PTPRK: variants seen among roughly 807,000 people sequenced by gnomAD.
The protein encoded by PTPRK is protein tyrosine phosphatase receptor type K.
PTPRK carries 75 observed loss-of-function variants against 178.0 expected under a neutral mutation model. The ratio of observed to expected loss-of-function variants is 0.42; its 90% CI spans 0.35 to 0.51. The LOEUF is 0.51. Among genes scored for constraint, PTPRK ranks in the 20% least tolerant of loss-of-function variants. PTPRK has a pLI of 0.02. For synonymous variants in PTPRK, 637 were observed against 620.6 expected, an observed-to-expected ratio of 1.03 and a Z score of -0.39; for missense variants, 1,441 against 1,797.8, an observed-to-expected ratio of 0.80 and a Z score of 3.59.
chr6:128,183,889 GA>G (rs1436182908), intron 7 of PTPRK, among the ~76,000 whole-genome samples: 2 of 152,238 alleles, frequency 1.3e-5, no homozygotes, highest in East Asian at 3.9e-4. Context: ...AAAGTGTAAG[GA>G]AAATCTCTCT....
At chr6:128,146,512 T>TGA (rs1208421490) in intron 7 of PTPRK, among the ~76,000 whole-genome samples, 1 of 151,302 alleles carries the variant, frequency 6.6e-6, no homozygotes, top group African/African-American at 2.4e-5. Flanking sequence ...GGCATGATCT[T>TGA]GGTTCACTGC....
At chr6:128,468,100 A>G (rs941999390) in intron 1 of PTPRK, among the ~76,000 whole-genome samples, 4 of 152,236 alleles carry the variant, frequency 2.6e-5, no homozygotes, top group Non-Finnish European at 5.9e-5. Context: ...TGCGTCTAAC[A>G]TCTCGCACAA....
chr6:128,035,778 G>A (rs1351065133), intron 13 of PTPRK, among the ~76,000 whole-genome samples: 1 of 152,056 alleles, frequency 6.6e-6, no homozygotes, highest in Non-Finnish European at 1.5e-5. Flanking sequence ...GGGACACTTG[G>A]GTCTCCCAGT....
Position 128,446,900 on chromosome 6 carries a change from A to C in PTPRK, c.101-49212T>G, listed in dbSNP as rs189263073. On this transcript the variant is annotated intron_variant, in intron 1 of 29. Coordinates refer to ENST00000368226, the MANE Select transcript of PTPRK (RefSeq NM_002844.4). Reference sequence around the variant, plus strand: ...AATATCTAAAGCTTAAATAAGACAAAGTCAAGTAATACTTTTTCTTTTCAA... The same window carrying C: ...AATATCTAAAGCTTAAATAAGACAACGTCAAGTAATACTTTTTCTTTTCAA... Among the ~76,000 whole-genome samples, 187 of 152,300 alleles carry C rather than the reference A, an allele frequency of 1.2e-3. 1 individual carries two copies. The highest frequency in any genetic ancestry group is 4.0e-3 in the African/African-American group (168 of 41,544).
intron 1 of PTPRK, among the ~76,000 whole-genome samples, chr6:128,454,349 A>C (rs1848147098): frequency 6.6e-6 from 1 of 152,234 alleles, no homozygotes; most frequent in South Asian, 2.1e-4. Flanking sequence ...CTTTGATGAT[A>C]ATTTAAAAAG....
At chr6:128,159,394 C>G (rs562247969) in intron 7 of PTPRK, among the ~76,000 whole-genome samples, 1 of 151,798 alleles carries the variant, frequency 6.6e-6, no homozygotes, top group Non-Finnish European at 1.5e-5. Flanking sequence ...ATTTTCATCA[C>G]CTTCTGGTTT....
rs150360481 is a variant in PTPRK, at chr6:127,998,795, G to T, written c.2604C>A (p.Ile868=). 110 of 1,610,948 alleles carry T rather than the reference G, an allele frequency of 6.8e-5. 1 individual carries two copies. The African/African-American group carries it at 1.2e-3, about 17-fold the overall frequency. ...TGTGCTGCAGTAAATCAGCTACCCTGATGGCTGGATGCAGCTGTCCTGTCT... is the reference window on the plus strand; with the variant it reads ...TGTGCTGCAGTAAATCAGCTACCCTTATGGCTGGATGCAGCTGTCCTGTCT... The part of the protein sequence containing the change: ...PYQTGQLHPA[I]RVADLLQHIN... The change falls in exon 16 of 30, where the codon ATC becomes ATA. Residue 868 remains isoleucine, a synonymous_variant. Coordinates refer to ENST00000368226, the MANE Select transcript of PTPRK (RefSeq NM_002844.4).
intron 13 of PTPRK, among the ~76,000 whole-genome samples, chr6:128,043,362 G>A (rs1411162227): frequency 1.3e-5 from 2 of 152,000 alleles, no homozygotes; most frequent in African/African-American, 4.8e-5. Context: ...TACTGCCTCA[G>A]AAAATCAAAT....
intron 13 of PTPRK, among the ~76,000 whole-genome samples, chr6:128,013,091 T>C (rs2326671): frequency 0.24 from 35,694 of 151,262 alleles, 5,355 homozygotes; most frequent in Middle Eastern, 0.36. Context: ...AGTCTTATTT[T>C]ATGTGACCTC....
At chr6:128,464,950 C>A (rs1271917286) in intron 1 of PTPRK, among the ~76,000 whole-genome samples, 1 of 151,134 alleles carries the variant, frequency 6.6e-6, no homozygotes, top group Non-Finnish European at 1.5e-5. Context: ...TGTTCTCTCT[C>A]CCGGGTTTGT....
chr6:128,321,711 GT>G (rs1828814958), intron 3 of PTPRK: 2 of 673,658 alleles, frequency 3.0e-6, no homozygotes, highest in African/African-American at 1.8e-5. Context: ...GAAAGAATCT[GT>G]CAATAAGTAG....
intron 3 of PTPRK, among the ~76,000 whole-genome samples, chr6:128,297,038 A>G (rs2128309584): frequency 6.6e-6 from 1 of 151,648 alleles, no homozygotes; most frequent in South Asian, 2.1e-4. Context: ...AGATCTACCA[A>G]GCAAATGGAA....
chr6:128,115,230 T>G (rs752217738), intron 7 of PTPRK, among the ~76,000 whole-genome samples: 9 of 152,150 alleles, frequency 5.9e-5, no homozygotes, highest in Non-Finnish European at 1.2e-4. Context: ...TCATTTACTC[T>G]TGGTTTCTAA....
At chr6:128,040,366 G>C (rs1400986140) in intron 13 of PTPRK, among the ~76,000 whole-genome samples, 1 of 152,024 alleles carries the variant, frequency 6.6e-6, no homozygotes, top group Non-Finnish European at 1.5e-5. Flanking sequence ...GATGTGCTAG[G>C]ACAGTGAAAC....
At chr6:128,311,874 C>A (rs1442624979) in intron 3 of PTPRK, among the ~76,000 whole-genome samples, 6 of 152,088 alleles carry the variant, frequency 3.9e-5, no homozygotes, top group Non-Finnish European at 8.8e-5. Flanking sequence ...TTTTCCTTCC[C>A]ATTTAAGGGT....
intron 1 of PTPRK, among the ~76,000 whole-genome samples, chr6:128,459,590 C>A (rs1848782482): frequency 6.6e-6 from 1 of 152,180 alleles, no homozygotes; most frequent in Non-Finnish European, 1.5e-5. Context: ...CTATAGACTG[C>A]AAGAAAATGC....
intron 3 of PTPRK, among the ~76,000 whole-genome samples, chr6:128,255,765 C>A (rs576927709): frequency 6.6e-6 from 1 of 152,154 alleles, no homozygotes; most frequent in Admixed American, 6.5e-5. Flanking sequence ...TGGGACCCAC[C>A]GATCCATGGT....
rs933316810 is a variant in PTPRK at position 128,082,552 on chromosome 6, T to A, written c.1662A>T (p.Thr554=). 1.2e-6 allele frequency: 2 copies of A among 1,612,278 alleles called. No individual in the cohort carries two copies. Among genetic ancestry groups the A allele is most frequent in the Admixed American group, 1.7e-5 (1 of 59,886 alleles). The change falls in exon 10 of 30, where the codon ACA becomes ACT. Residue 554 remains threonine (T), a synonymous_variant. Coordinates refer to ENST00000368226, the MANE Select transcript of PTPRK (RefSeq NM_002844.4). ...PQTVSNLWNS[T]HHVFMHLHPG... ...GGTGGAGATGCATAAAGACATGGTG[T>A]GTACTGTTCCATAAATTTGATACAG...
At chr6:128,492,295 A>G (rs552855459) in intron 1 of PTPRK, among the ~76,000 whole-genome samples, 2 of 152,164 alleles carry the variant, frequency 1.3e-5, no homozygotes, top group African/African-American at 4.8e-5. Flanking sequence ...AATTCCATCC[A>G]TCCACCCCCA....
Sources: gnomAD v4.1 joint callset for allele counts (sites outside exome capture counted in the v4.1 genomes callset) on GRCh38, gnomAD v4.1.1 for gene constraint, MANE v1.5 for transcripts, NCBI Gene and HGNC (gene_info 2026-07-23, HGNC 2026-07-21) for gene names.